Variants in FES observed in about 807,000 individuals in gnomAD.
The protein encoded by FES is FES proto-oncogene, tyrosine kinase.
FES carries 83 observed loss-of-function variants against 109.6 expected under a neutral mutation model. That is an observed-to-expected ratio of 0.76 (90% confidence interval 0.63 to 0.91). The LOEUF (loss-of-function observed/expected upper bound fraction) is 0.91. Among genes scored for constraint, FES ranks in the 40% least tolerant of loss-of-function variants. The pLI is 0.00. For synonymous variants in FES, 458 were observed against 442.1 expected (o/e 1.04, Z -0.45); for missense variants, 943 against 1,070.9 (o/e 0.88, Z 1.67).
intron 12 of FES, 93 bp downstream of exon 12, chr15:90,891,769 C>T: frequency 6.5e-7 from 1 of 1,541,704 alleles, no homozygotes; most frequent in Non-Finnish European, 8.8e-7. Flanking sequence ...AAAGGGCTTT[C>T]CAGGCCCTCC....
chr15:90,887,490 T>C, intron 5 of FES, 120 bp downstream of exon 5: 1 of 1,073,666 alleles, frequency 9.3e-7, no homozygotes. Flanking sequence ...TGTAACCACA[T>C]GAGAACGGGA....
chr15:90,884,862 C>T (rs2032403119), intron 1 of FES, 175 bp from the exon 2 acceptor site: 7 of 616,134 alleles, frequency 1.1e-5, no homozygotes, highest in South Asian at 4.1e-5. Flanking sequence ...CAATGAGGGC[C>T]AGTCCCCAGG....
rs771551343 is a variant in FES, at chr15:90,885,021, C to A, written c.-9-16C>A. 31 of 1,581,076 alleles carry A rather than the reference C, an allele frequency of 2.0e-5. No homozygotes were observed. The highest frequency in any genetic ancestry group is 2.4e-5 in the Non-Finnish European group (28 of 1,165,106). On this transcript the variant is annotated splice_polypyrimidine_tract_variant and intron_variant, in intron 1 of 18. Transcript: ENST00000328850. ...TGCTGCCTTGCCTCCAGGGATGGCC[C>A]CTTTTCTGTCCCCAGAACAGCACTA...
intron 18 of FES, 56 bp downstream of exon 18, chr15:90,894,114 G>T (rs558445677): frequency 1.3e-6 from 2 of 1,598,180 alleles, no homozygotes; most frequent in African/African-American, 2.7e-5. Flanking sequence ...AGATGCTCCA[G>T]CCGGACTCTT....
intron 5 of FES, among the ~76,000 whole-genome samples, chr15:90,888,174 C>T (rs1243728388): frequency 1.3e-5 from 2 of 152,170 alleles, no homozygotes; most frequent in African/African-American, 4.8e-5. Context: ...GGCATGATCT[C>T]GGCTTACTGC....
At position 90,893,642 on chromosome 15, in the gene FES, T is replaced by C; in HGVS notation, c.2046-12T>C. 1 of 1,566,936 alleles carries C rather than the reference T, an allele frequency of 6.4e-7. No homozygotes were observed. Among genetic ancestry groups the C allele is most frequent in the Non-Finnish European group, 8.7e-7 (1 of 1,155,422 alleles). The stretch of plus-strand genomic sequence containing the variant: ...CTGTTGGCCAAATGAGCCCCTGCCC[T>C]GTCTCACCCAGGGACCTGGCTGCTC... On this transcript the variant is annotated splice_polypyrimidine_tract_variant and intron_variant, in intron 16 of 18. Coordinates refer to ENST00000328850, the MANE Select transcript of FES (RefSeq NM_002005.4).
rs557828325 is a variant in FES, at chr15:90,895,119, C to A, written c.2327-297C>A. 9.9e-5 allele frequency among the ~76,000 whole-genome samples: 15 copies of A among 152,192 alleles called. No homozygotes were observed. In the South Asian group the frequency reaches 2.9e-3, roughly 30 times the overall value. ...CCCTGTAGCTACTACTGAGTGAGCA[C>A]CTGGTCTGTGCTAGGTCACATGTTA... On this transcript the variant is annotated intron_variant, in intron 18 of 18. Coordinates refer to ENST00000328850, the MANE Select transcript of FES (RefSeq NM_002005.4).
chr15:90,890,309 C>T (rs376056732), intron 9 of FES, 31 bp downstream of exon 9: 1 of 1,588,036 alleles, frequency 6.3e-7, no homozygotes, highest in Non-Finnish European at 8.6e-7. Context: ...CCGCTGCCCG[C>T]CACCGGCCTG....
intron 11 of FES, 113 bp downstream of exon 11, chr15:90,891,304 C>A: frequency 7.6e-7 from 1 of 1,313,488 alleles, no homozygotes; most frequent in South Asian, 1.3e-5. Flanking sequence ...TGGATGCCTC[C>A]CTAGCAGGGC....
intron 13 of FES, 87 bp downstream of exon 13, chr15:90,892,198 C>T (rs2033286062): frequency 1.4e-6 from 2 of 1,438,522 alleles, no homozygotes; most frequent in Non-Finnish European, 1.9e-6. Flanking sequence ...CAGAGACCTC[C>T]CTGCCCCATC....
At position 90,890,481 on chromosome 15, in the gene FES, C is replaced by T; in HGVS notation, c.1317C>T (p.Phe439=). ...TCTCAGGAATCTTCCGCCCCAAGTT[C>T]TCGGTGAGTGGCGCCCAGCCTGGGC... ...SHISGIFRPK[F]SLPPPLQLIP... The change falls in exon 10 of 19, where the codon TTC becomes TTT. Residue 439 remains phenylalanine (F), a synonymous_variant. Transcript: ENST00000328850. 1 of 1,612,588 alleles carries T rather than the reference C, an allele frequency of 6.2e-7. No homozygotes were observed. Among genetic ancestry groups the T allele is most frequent in the Non-Finnish European group, 8.5e-7 (1 of 1,179,678 alleles).
chr15:90,891,316 G>T (rs892725026), intron 11 of FES, 125 bp downstream of exon 11: 15 of 1,218,788 alleles, frequency 1.2e-5, no homozygotes, highest in Non-Finnish European at 1.6e-5. Context: ...TAGCAGGGCT[G>T]GCTGGAAGGG....
Position 90,885,022 on chromosome 15 carries a change from C to A in FES, c.-9-15C>A, listed in dbSNP as rs2032430014. The A allele has an allele frequency of 1.3e-6, 2 of 1,582,902 alleles. No homozygotes were observed. Among genetic ancestry groups the A allele is most frequent in the Admixed American group, 3.5e-5 (2 of 57,060 alleles). On this transcript the variant is annotated splice_polypyrimidine_tract_variant and intron_variant, in intron 1 of 18. Coordinates refer to ENST00000328850, the MANE Select transcript of FES (RefSeq NM_002005.4). Reference sequence around the variant, plus strand: ...GCTGCCTTGCCTCCAGGGATGGCCCCTTTTCTGTCCCCAGAACAGCACTAT... The same window carrying A: ...GCTGCCTTGCCTCCAGGGATGGCCCATTTTCTGTCCCCAGAACAGCACTAT...
chr15:90,892,762 C>T lies in FES; in HGVS notation c.1763C>T (p.Ala588Val), dbSNP rs1335620132. ...CTGCGAGCCGACAACACCCTGGTGG[C>T]GGTGAAGTCTTGTCGAGAGACGCTC... ...GRLRADNTLV[A>V]VKSCRETLPP... The change falls in exon 14 of 19, where the codon GCG becomes GTG. Residue 588 changes from alanine to valine, a missense_variant. Ala to Val is a moderately conservative substitution (Grantham distance 64). Transcript: ENST00000328850. 12 of 1,613,522 alleles carry T rather than the reference C, an allele frequency of 7.4e-6. No homozygotes were observed. Among genetic ancestry groups the T allele is most frequent in the African/African-American group, 1.3e-5 (1 of 74,888 alleles).
intron 18 of FES, 84 bp downstream of exon 18, chr15:90,894,142 A>G: frequency 6.7e-7 from 1 of 1,483,478 alleles, no homozygotes; most frequent in Non-Finnish European, 9.2e-7. Flanking sequence ...CCTTAATGCC[A>G]ACCTTCCCAC....
rs2033479107 is a variant in FES at position 90,893,967 on chromosome 15, CT to C, written c.2238del (p.Phe746LeufsTer92). ...RYSSESDVWS[F>X]GILLWETFSL... is the part of the protein sequence containing the mutation. ...ACTCCTCCGAAAGCGACGTGTGGAG[CT>C]TTGGCATCTTGCTCTGGGAGACCTT... On this transcript the variant is annotated frameshift_variant, in exon 18 of 19. Transcript: ENST00000328850. LOFTEE classifies it high-confidence loss of function. The C allele has an allele frequency of 1.2e-6, 2 of 1,613,852 alleles. No individual in the cohort carries two copies. Among genetic ancestry groups the C allele is most frequent in the Non-Finnish European group, 1.7e-6 (2 of 1,180,006 alleles).
Position 90,887,444 on chromosome 15 carries a change from G to T in FES, c.668+74G>T, listed in dbSNP as rs35617264. Reference sequence around the variant, plus strand: ...GCCCAGCCATCAGGCCCAGAGGCAGGACCCAGAAAATCCATTGCTGGGAAG... The same window carrying T: ...GCCCAGCCATCAGGCCCAGAGGCAGTACCCAGAAAATCCATTGCTGGGAAG... On this transcript the variant is annotated intron_variant, in intron 5 of 18. Transcript: ENST00000328850. 4.1e-4 allele frequency: 587 copies of T among 1,445,140 alleles called. 6 individuals are homozygous for T. In the African/African-American group the frequency reaches 7.2e-3, roughly 18 times the overall value. The allele number at this position is 1,445,140 out of a possible 1,614,324, so 89.5% of individuals were successfully genotyped here. A position where few individuals can be genotyped will look rare whatever the true frequency, so the allele number is the denominator to read the frequency against.
chr15:90,884,822 C>A (rs1039186478), intron 1 of FES: 15 of 528,726 alleles, frequency 2.8e-5, no homozygotes, highest in Non-Finnish European at 4.4e-5. Flanking sequence ...TGTTCCCGAA[C>A]GTGCGGAGGA....
At chr15:90,894,196 TC>T in intron 18 of FES, 138 bp downstream of exon 18, 1 of 1,024,752 alleles carries the variant, frequency 9.8e-7, no homozygotes, top group Non-Finnish European at 1.4e-6. Context: ...ACGCCTGTCA[TC>T]CCAGCACTTT....
Sources: gnomAD v4.1 joint callset for allele counts (sites outside exome capture counted in the v4.1 genomes callset) on GRCh38, gnomAD v4.1.1 for gene constraint, MANE v1.5 for transcripts, NCBI Gene and HGNC (gene_info 2026-07-23, HGNC 2026-07-21) for gene names.